QSOX1: variants seen among roughly 807,000 people sequenced by gnomAD.
The protein encoded by QSOX1 is quiescin sulfhydryl oxidase 1, also known as sulfhydryl oxidase 1.
A neutral mutation model predicts 76.1 loss-of-function variants in QSOX1; 40 were observed. That is an observed-to-expected ratio of 0.53 (90% CI 0.41 to 0.68). QSOX1 has a LOEUF of 0.68. Among genes scored for constraint, QSOX1 ranks in the 30% least tolerant of loss-of-function variants. The probability of loss-of-function intolerance (pLI) is 0.00; values close to 1 mark genes in which losing one functional copy is unlikely to be tolerated. For synonymous variants in QSOX1, 392 were observed against 413.1 expected, an observed-to-expected ratio of 0.95 and a Z score of 0.62; for missense variants, 931 against 974.3, an observed-to-expected ratio of 0.96 and a Z score of 0.59.
rs1662690817 is a variant in QSOX1 at position 180,168,651 on chromosome 1, CTG to C, written c.366+2063_366+2064del. ...AAGATTCTTACTAAGTGCAGTTAAA[CTG>C]TGATATTTTCTGTTCTATTTTTTTT... On this transcript the variant is annotated intron_variant, in intron 2 of 11. Transcript: ENST00000367602. Among the ~76,000 whole-genome samples, 5 of 152,220 alleles carry C rather than the reference CTG, an allele frequency of 3.3e-5. No individual in the cohort carries two copies. In the South Asian group the frequency reaches 1.0e-3, roughly 32 times the overall value.
At position 180,196,390 on chromosome 1, in the gene QSOX1, G is replaced by T; in HGVS notation, c.1597G>T (p.Ala533Ser). ...GGAAGCCACCCTCAACTTCCTCAAG[G>T]CCCACTTCTCCCCAAGCAACATCAT... ...DVEATLNFLK[A>S]HFSPSNIILD... Residue 533 changes from alanine (A) to serine (S), a missense_variant, in exon 12 of 12, where the codon GCC becomes TCC. Physicochemically the swap from Ala to Ser is moderately conservative, Grantham distance 99 (BLOSUM62 1). Coordinates refer to ENST00000367602, the MANE Select transcript of QSOX1 (RefSeq NM_002826.5). This position sits in a 1 kb window ranked among gnomAD's most constrained non-coding sequence, Gnocchi z 4.1. 1 of 1,614,142 alleles carries T rather than the reference G, an allele frequency of 6.2e-7. No individual in the cohort carries two copies. The highest frequency in any genetic ancestry group is 8.5e-7 in the Non-Finnish European group (1 of 1,180,026).
chr1:180,157,311 A>G (rs1662396658), intron 1 of QSOX1, among the ~76,000 whole-genome samples: 1 of 152,186 alleles, frequency 6.6e-6, no homozygotes, highest in Admixed American at 6.5e-5. Flanking sequence ...TCAGCCTGCA[A>G]TGAAGAATGT....
At chr1:180,163,133 C>CAA (rs35476222) in intron 1 of QSOX1, among the ~76,000 whole-genome samples, 26 of 140,268 alleles carry the variant, frequency 1.9e-4, no homozygotes, top group South Asian at 6.7e-4. Context: ...TAAGGCTCAT[C>CAA]AAAAAAAAAA....
rs957498423 is a variant in QSOX1, at chr1:180,199,044, G to A, written c.*2007G>A. Reference sequence around the variant, plus strand: ...TTGGAAACACTGTCGCAGCAGCCCGGGCTGCACAGTGTGTAGCCCAGCCTC... The same window carrying A: ...TTGGAAACACTGTCGCAGCAGCCCGAGCTGCACAGTGTGTAGCCCAGCCTC... On this transcript the variant is annotated 3_prime_UTR_variant, in exon 12 of 12. Transcript: ENST00000367602. The A allele has an allele frequency of 1.9e-5, 3 of 155,966 alleles. No homozygotes were observed. Among genetic ancestry groups the A allele is most frequent in the Non-Finnish European group, 4.3e-5 (3 of 70,382 alleles). 9.7% of individuals were successfully genotyped at this position (155,966 alleles called of 1,614,324 possible).
intron 8 of QSOX1, among the ~76,000 whole-genome samples, chr1:180,188,569 G>A (rs1424090081): frequency 2.0e-5 from 3 of 152,264 alleles, no homozygotes; most frequent in Non-Finnish European, 2.9e-5. Flanking sequence ...GAGGGCACGT[G>A]TCAAAGCGTG....
chr1:180,181,329 C>G (rs1558189253), intron 5 of QSOX1, among the ~76,000 whole-genome samples: 1 of 152,296 alleles, frequency 6.6e-6, no homozygotes, highest in East Asian at 1.9e-4. Context: ...TGCAGATGGC[C>G]TGTCCGATTA....
chr1:180,168,912 T>C (rs1206843241), intron 2 of QSOX1, among the ~76,000 whole-genome samples: 1 of 152,160 alleles, frequency 6.6e-6, no homozygotes, highest in African/African-American at 2.4e-5. Flanking sequence ...ACTCTGTCCA[T>C]GAAGAGCTGA....
rs368982351 is a variant in QSOX1 at position 180,158,225 on chromosome 1, A to T, written c.265+3053A>T. Reference sequence around the variant, plus strand: ...AGGTAGAGAGGTGGGTGGAGGAGGAAGGATACTCCAGGTGGAAAAACAGCA... The same window carrying T: ...AGGTAGAGAGGTGGGTGGAGGAGGATGGATACTCCAGGTGGAAAAACAGCA... On this transcript the variant is annotated intron_variant, in intron 1 of 11. Coordinates refer to ENST00000367602, the MANE Select transcript of QSOX1 (RefSeq NM_002826.5). Among the ~76,000 whole-genome samples the T allele has an allele frequency of 5.9e-5, 9 of 152,290 alleles. No homozygotes were observed. In the East Asian group the frequency reaches 1.7e-3, roughly 29 times the overall value.
chr1:180,171,789 G>T (rs1331137321), intron 2 of QSOX1, among the ~76,000 whole-genome samples: 3 of 152,160 alleles, frequency 2.0e-5, no homozygotes, highest in Non-Finnish European at 4.4e-5. Context: ...AGGGCAAGGG[G>T]GCCAAGTAAG....
intron 4 of QSOX1, among the ~76,000 whole-genome samples, chr1:180,176,840 C>G (rs1662906303): frequency 6.6e-6 from 1 of 152,208 alleles, no homozygotes; most frequent in Admixed American, 6.5e-5. Flanking sequence ...AAGAAGGCCT[C>G]ACAAGGCCGC....
Position 180,197,630 on chromosome 1 carries a change from T to A in QSOX1, c.*593T>A. On this transcript the variant is annotated 3_prime_UTR_variant, in exon 12 of 12. Coordinates refer to ENST00000367602, the MANE Select transcript of QSOX1 (RefSeq NM_002826.5). ...GGGGTTTGGAAGCTTCTGGAAGTCGTGCTGGTCTCCCAGGTGAGGCAAGCC... is the reference window on the plus strand; with the variant it reads ...GGGGTTTGGAAGCTTCTGGAAGTCGAGCTGGTCTCCCAGGTGAGGCAAGCC... 2.0e-6 allele frequency: 1 copy of A among 492,180 alleles called. No individual in the cohort carries two copies. Among genetic ancestry groups the A allele is most frequent in the Non-Finnish European group, 3.7e-6 (1 of 271,854 alleles). 30.5% of individuals were successfully genotyped at this position (492,180 alleles called of 1,614,324 possible).
At position 180,178,873 on chromosome 1, in the gene QSOX1, C is replaced by T. The variant is rs763513819; in HGVS notation, c.595C>T (p.Leu199=). 6.2e-7 allele frequency: 1 copy of T among 1,613,638 alleles called. No individual in the cohort carries two copies. Among genetic ancestry groups the T allele is most frequent in the Non-Finnish European group, 8.5e-7 (1 of 1,179,554 alleles). ...GATCTTTGAAAAGGGAGGCTCCTAC[C>T]TGGGTAGAGAGGTGAGCTGCCCTGA... The part of the protein sequence containing the change: ...ALIFEKGGSY[L]GREVALDLSQ... Residue 199 remains leucine (L), a synonymous_variant, in exon 5 of 12, where the codon CTG becomes TTG. Transcript: ENST00000367602.
intron 2 of QSOX1, among the ~76,000 whole-genome samples, chr1:180,170,684 G>A (rs569770645): frequency 1.1e-3 from 168 of 152,350 alleles, no homozygotes; most frequent in African/African-American, 3.9e-3. Flanking sequence ...GGGAGCTGTG[G>A]TGGTTTCCCT....
intron 8 of QSOX1, among the ~76,000 whole-genome samples, chr1:180,188,156 C>T (rs1440367507): frequency 6.6e-6 from 1 of 152,216 alleles, no homozygotes; most frequent in African/African-American, 2.4e-5. Context: ...CACTCGCATC[C>T]AGCCCATGCC....
intron 1 of QSOX1, among the ~76,000 whole-genome samples, chr1:180,165,852 G>A (rs973834820): frequency 2.0e-5 from 3 of 151,670 alleles, no homozygotes; most frequent in South Asian, 2.1e-4. Context: ...ATGTTTCAGC[G>A]GCCAGCAGCC....
intron 10 of QSOX1, among the ~76,000 whole-genome samples, chr1:180,192,968 G>A (rs1274390976): frequency 1.1e-4 from 17 of 152,068 alleles, no homozygotes; most frequent in Non-Finnish European, 2.9e-5. Flanking sequence ...TTTCAAGATA[G>A]AGGTGTAGTC....
rs1663565353 is a variant in QSOX1, at chr1:180,198,626, T to G, written c.*1589T>G. 1 of 351,346 alleles carries G rather than the reference T, an allele frequency of 2.8e-6. No individual in the cohort carries two copies. The highest frequency in any genetic ancestry group is 5.7e-6 in the Non-Finnish European group (1 of 176,192). 21.8% of individuals were successfully genotyped at this position (351,346 alleles called of 1,614,324 possible). ...GGCTGGGGAGGGATGGCAGTCTCCC[T>G]GCATGTTTCCCTCGACCTCTTTAGC... On this transcript the variant is annotated 3_prime_UTR_variant, in exon 12 of 12. Transcript: ENST00000367602.
chr1:180,171,680 A>C lies in QSOX1; in HGVS notation c.367-3641A>C, dbSNP rs3767187. 0.022 allele frequency among the ~76,000 whole-genome samples: 3,390 copies of C among 152,314 alleles called. 189 individuals are homozygous for C. In the East Asian group the frequency reaches 0.23, roughly 10 times the overall value. ...TGCCTTCAACAGCTTTTTAAACAGA[A>C]GAGTGTCAGGACCTGACATGTGTCT... On this transcript the variant is annotated intron_variant, in intron 2 of 11. Transcript: ENST00000367602.
In QSOX1 at chr1:180,197,205, G is replaced by T. The variant is rs1483957939; in HGVS notation, c.*168G>T. ...AGCTTCTTGGGGTTGCTAGGACAGA[G>T]AGCTCCTTTGACACAAAAGACAGGA... On this transcript the variant is annotated 3_prime_UTR_variant, in exon 12 of 12. Transcript: ENST00000367602. 2 of 1,557,604 alleles carry T rather than the reference G, an allele frequency of 1.3e-6. No individual in the cohort carries two copies. Among genetic ancestry groups the T allele is most frequent in the Non-Finnish European group, 1.7e-6 (2 of 1,156,462 alleles).
Sources: allele counts gnomAD v4.1 joint callset (sites outside exome capture counted in the v4.1 genomes callset), GRCh38; gene constraint gnomAD v4.1.1; non-coding constraint Gnocchi (gnomAD v3.1); transcripts MANE v1.5; gene names NCBI Gene and HGNC (gene_info 2026-07-23, HGNC 2026-07-21).